The following PLA2G5 variants were observed in gnomAD, a reference collection of about 807,000 sequenced individuals.
PLA2G5 encodes Ca2+-dependent phospholipase A2.
Under a neutral mutation model 15.9 loss-of-function variants are expected in PLA2G5, and 12 were observed. The observed-to-expected ratio is 0.76, with a 90% CI of 0.48 to 1.23. The LOEUF is 1.23. Among genes scored for constraint, PLA2G5 ranks in the 50% most tolerant of loss-of-function variants. The pLI is 0.00. For synonymous variants in PLA2G5, 71 were observed against 71.4 expected (o/e 0.99, Z 0.03); for missense variants, 169 against 177.1 (o/e 0.95, Z 0.26).
intron 1 of PLA2G5, among the ~76,000 whole-genome samples, chr1:20,055,703 G>T (rs572479402): frequency 3.3e-5 from 5 of 152,256 alleles, no homozygotes; most frequent in Non-Finnish European, 7.4e-5. Flanking sequence ...CCCTTCTTTG[G>T]TTGTCTCACT....
At chr1:20,074,219 G>A (rs571353277) in intron 1 of PLA2G5, among the ~76,000 whole-genome samples, 62 of 152,224 alleles carry the variant, frequency 4.1e-4, no homozygotes, top group Non-Finnish European at 5.1e-4. Flanking sequence ...AAGTCAATTC[G>A]AGAGCACAGA....
intron 1 of PLA2G5, among the ~76,000 whole-genome samples, chr1:20,034,926 C>G (rs1569621413): frequency 6.6e-6 from 1 of 152,056 alleles, no homozygotes; most frequent in East Asian, 1.9e-4. Flanking sequence ...GAGAGTCACC[C>G]ACTAATTGGA....
chr1:20,041,373 A>C (rs2013587336), intron 1 of PLA2G5, among the ~76,000 whole-genome samples: 1 of 152,214 alleles, frequency 6.6e-6, no homozygotes, highest in South Asian at 2.1e-4. Context: ...GCTGAGTCTG[A>C]AAAGAGAGTA....
chr1:20,074,618 TC>T (rs1483545589), intron 1 of PLA2G5, among the ~76,000 whole-genome samples: 1 of 152,088 alleles, frequency 6.6e-6, no homozygotes, highest in Non-Finnish European at 1.5e-5. Context: ...AGTGCCCACC[TC>T]CCATGCGACA....
chr1:20,029,824 G>A (rs913349253), intron 1 of PLA2G5, among the ~76,000 whole-genome samples: 1 of 152,220 alleles, frequency 6.6e-6, no homozygotes, highest in Non-Finnish European at 1.5e-5. Context: ...AAATGTTAAT[G>A]TCTGGAGATT....
chr1:20,074,419 C>A (rs2015559500), intron 1 of PLA2G5, among the ~76,000 whole-genome samples: 1 of 152,142 alleles, frequency 6.6e-6, no homozygotes, highest in African/African-American at 2.4e-5. Context: ...TATGAGTTTT[C>A]TTTGTTTTTG....
intron 2 of PLA2G5, among the ~76,000 whole-genome samples, chr1:20,061,475 A>C (rs2014725900): frequency 6.6e-6 from 1 of 151,418 alleles, no homozygotes; most frequent in Non-Finnish European, 1.5e-5. Context: ...AGTCCCAACT[A>C]CTCAGGAGGC....
chr1:20,085,978 C>A, intron 2 of PLA2G5, 105 bp from the exon 3 acceptor site: 2 of 1,108,266 alleles, frequency 1.8e-6, no homozygotes, highest in Non-Finnish European at 2.6e-6. Context: ...ACATGCAGGT[C>A]CCTCCAAGCC....
At chr1:20,066,574 A>G (rs2015042796), upstream of PLA2G5, among the ~76,000 whole-genome samples, 1 of 152,230 alleles carries the variant, frequency 6.6e-6, no homozygotes, top group African/African-American at 2.4e-5. Context: ...ATTTTATAGC[A>G]CACGACTGCC....
At chr1:20,075,319 C>T (rs2015608401) in intron 1 of PLA2G5, among the ~76,000 whole-genome samples, 1 of 152,204 alleles carries the variant, frequency 6.6e-6, no homozygotes, top group Non-Finnish European at 1.5e-5. Flanking sequence ...TTGGCCAGTC[C>T]TTCCCACCAT....
At chr1:20,048,190 GAA>G (rs1436528977) in intron 1 of PLA2G5, among the ~76,000 whole-genome samples, 3 of 152,022 alleles carry the variant, frequency 2.0e-5, no homozygotes, top group African/African-American at 7.2e-5. Context: ...CAGGAAAAAA[GAA>G]AAGAGTAGTC....
chr1:20,084,902 CT>C (rs763982599), intron 2 of PLA2G5, 32 bp downstream of exon 2: 23 of 1,519,738 alleles, frequency 1.5e-5, no homozygotes, highest in Non-Finnish European at 2.1e-5. Flanking sequence ...TTCGAATGAA[CT>C]TTTACCCCAT....
chr1:20,070,462 A>G lies in PLA2G5; in HGVS notation c.-14A>G. ...AGAGCAGGATTTGAGGCCAGGCCAA[A>G]GAGGTTAGTTACTGATGGGGGCTGC... is the stretch of plus-strand genomic sequence containing the variant. On this transcript the variant is annotated 5_prime_UTR_variant, in exon 1 of 5. Transcript: ENST00000375108. The G allele has an allele frequency of 2.0e-6, 2 of 985,144 alleles. No homozygotes were observed. The highest frequency in any genetic ancestry group is 4.7e-5 in the South Asian group (1 of 21,256). 61.0% of individuals were successfully genotyped at this position (985,144 alleles called of 1,614,324 possible).
intron 1 of PLA2G5, among the ~76,000 whole-genome samples, chr1:20,055,358 A>G (rs984930906): frequency 6.6e-5 from 10 of 152,232 alleles, no homozygotes; most frequent in Admixed American, 5.9e-4. Context: ...GAAATAAATC[A>G]GTGACCTTTA....
chr1:20,057,794 C>T (rs1392545205), intron 1 of PLA2G5, among the ~76,000 whole-genome samples: 1 of 152,164 alleles, frequency 6.6e-6, no homozygotes, highest in Non-Finnish European at 1.5e-5. Flanking sequence ...CCACCGCACC[C>T]TACTGCATCT....
chr1:20,069,484 G>A (rs2015224552), upstream of PLA2G5, among the ~76,000 whole-genome samples: 1 of 152,136 alleles, frequency 6.6e-6, no homozygotes, highest in East Asian at 1.9e-4. Flanking sequence ...ACCAGACTGG[G>A]CAATATGGTG....
rs115593364 is a variant in PLA2G5, at chr1:20,082,677, G to A, written c.-10-2144G>A. On this transcript the variant is annotated intron_variant, in intron 1 of 4. Coordinates refer to ENST00000375108, the MANE Select transcript of PLA2G5 (RefSeq NM_000929.3). ...GTCTGACCAGCTACCTACTGTCACA[G>A]TTGGTCTGTATATGAAAGGCATGCT... 7.4e-4 allele frequency among the ~76,000 whole-genome samples: 112 copies of A among 152,074 alleles called. 4 individuals are homozygous for A. The highest frequency in any genetic ancestry group is 2.7e-3 in the African/African-American group (111 of 41,306).
intron 1 of PLA2G5, among the ~76,000 whole-genome samples, chr1:20,052,796 AG>A (rs745717716): frequency 1.9e-4 from 29 of 152,318 alleles, no homozygotes; most frequent in East Asian, 1.7e-3. Context: ...GGAACTGCTC[AG>A]GGCAAATTTG....
At chr1:20,090,480 C>T (rs2016513603) in intron 4 of PLA2G5, 88 bp from the exon 5 acceptor site, 1 of 1,377,378 alleles carries the variant, frequency 7.3e-7, no homozygotes, top group African/African-American at 1.4e-5. Context: ...AGGCTGAAAG[C>T]TCCTCGGAGC....
Sources: allele counts gnomAD v4.1 joint callset (sites outside exome capture counted in the v4.1 genomes callset), GRCh38; gene constraint gnomAD v4.1.1; transcripts MANE v1.5; gene names NCBI Gene and HGNC (gene_info 2026-07-23, HGNC 2026-07-21).